Variants in PABPC4L observed in about 807,000 individuals in gnomAD.
The protein encoded by PABPC4L is polyadenylate-binding protein 4-like.
For missense variants in PABPC4L, 452 were observed against 451.4 expected (o/e 1.00, Z -0.01); for synonymous variants, 169 against 164.1 (o/e 1.03, Z -0.23).
chr4:134,152,524 G>A, the PABPC4L span, among the ~76,000 whole-genome samples: 68,821 of 151,864 alleles, frequency 0.45, 18,088 homozygotes, highest in East Asian at 0.98. Context: ...TATATCCTCC[G>A]AAACCTAGGT....
chr4:134,008,608 A>G, the PABPC4L span, among the ~76,000 whole-genome samples: 1 of 151,870 alleles, frequency 6.6e-6, no homozygotes, highest in African/African-American at 2.4e-5. Context: ...ATAATGTAGA[A>G]ATAGATCAAA....
chr4:134,078,281 T>A, the PABPC4L span, among the ~76,000 whole-genome samples: 1 of 152,176 alleles, frequency 6.6e-6, no homozygotes, highest in Non-Finnish European at 1.5e-5. Context: ...ATAAATGGAA[T>A]AATGAGCACC....
At chr4:134,043,379 T>G in the PABPC4L span, among the ~76,000 whole-genome samples, 1 of 152,286 alleles carries the variant, frequency 6.6e-6, no homozygotes, top group African/African-American at 2.4e-5. Context: ...GATGCATCAT[T>G]AGTATCTATA....
At chr4:134,153,191 A>AT in the PABPC4L span, among the ~76,000 whole-genome samples, 8 of 152,118 alleles carry the variant, frequency 5.3e-5, no homozygotes, top group South Asian at 2.1e-4. Flanking sequence ...GCTTGTCTCT[A>AT]TTTTTTTAGT....
the PABPC4L span, among the ~76,000 whole-genome samples, chr4:133,995,753 G>T: frequency 6.6e-6 from 1 of 152,158 alleles, no homozygotes; most frequent in African/African-American, 2.4e-5. Context: ...GTTACGTCTC[G>T]CCCGGCCACT....
At chr4:134,001,823 C>T in the PABPC4L span, among the ~76,000 whole-genome samples, 1 of 151,912 alleles carries the variant, frequency 6.6e-6, no homozygotes, top group African/African-American at 2.4e-5. Context: ...CTATAGTAAC[C>T]AATGTGTGTT....
chr4:134,132,380 A>G, the PABPC4L span, among the ~76,000 whole-genome samples: 1 of 152,102 alleles, frequency 6.6e-6, no homozygotes, highest in East Asian at 1.9e-4. Context: ...AAAACAAACA[A>G]TCTCATCAAA....
the PABPC4L span, among the ~76,000 whole-genome samples, chr4:133,961,176 G>A: frequency 3.9e-5 from 6 of 151,994 alleles, no homozygotes; most frequent in Admixed American, 6.6e-5. Context: ...TCCTGCCATC[G>A]CCACCAGAAC....
chr4:134,151,459 G>C, the PABPC4L span, among the ~76,000 whole-genome samples: 1 of 151,868 alleles, frequency 6.6e-6, no homozygotes, highest in Non-Finnish European at 1.5e-5. Flanking sequence ...AGAATCGAGA[G>C]GTGTGGAAAA....
At chr4:134,021,045 A>C in the PABPC4L span, among the ~76,000 whole-genome samples, 1 of 152,154 alleles carries the variant, frequency 6.6e-6, no homozygotes. Context: ...CAATTATGGC[A>C]GCCCAAGGCT....
At chr4:134,015,690 T>A in the PABPC4L span, among the ~76,000 whole-genome samples, 2 of 152,132 alleles carry the variant, frequency 1.3e-5, no homozygotes, top group Non-Finnish European at 2.9e-5. Flanking sequence ...CAACAACTCC[T>A]TTCCTTCCTA....
chr4:134,030,248 G>C, the PABPC4L span, among the ~76,000 whole-genome samples: 3 of 152,038 alleles, frequency 2.0e-5, no homozygotes, highest in African/African-American at 4.8e-5. Context: ...AACAGGCAGA[G>C]GCTGGAACAG....
the PABPC4L span, among the ~76,000 whole-genome samples, chr4:134,181,495 A>G: frequency 6.6e-6 from 1 of 152,058 alleles, no homozygotes; most frequent in African/African-American, 2.4e-5. Flanking sequence ...CTCCTACTCA[A>G]CATAGTGCTA....
At chr4:134,189,454 A>G in the PABPC4L span, among the ~76,000 whole-genome samples, 13 of 152,116 alleles carry the variant, frequency 8.5e-5, no homozygotes, top group Non-Finnish European at 1.3e-4. Context: ...GTATACATAC[A>G]TATATACATG....
At chr4:134,140,743 G>T in the PABPC4L span, among the ~76,000 whole-genome samples, 3 of 151,800 alleles carry the variant, frequency 2.0e-5, no homozygotes, top group Admixed American at 1.3e-4. Flanking sequence ...TATTTGTAAA[G>T]ATATGTAGGA....
At chr4:134,149,654 T>A in the PABPC4L span, among the ~76,000 whole-genome samples, 108 of 152,244 alleles carry the variant, frequency 7.1e-4, no homozygotes, top group African/African-American at 2.5e-3. Context: ...AGGAAAAGAA[T>A]ACACAATGGA....
the PABPC4L span, among the ~76,000 whole-genome samples, chr4:133,976,238 A>G: frequency 2.6e-5 from 4 of 152,094 alleles, no homozygotes; most frequent in Non-Finnish European, 5.9e-5. Flanking sequence ...TAGTTTCCTG[A>G]GGATAATGGC....
chr4:134,006,848 T>A, the PABPC4L span, among the ~76,000 whole-genome samples: 1 of 151,828 alleles, frequency 6.6e-6, no homozygotes, highest in Non-Finnish European at 1.5e-5. Context: ...ACTTATGTTT[T>A]CCAATCTCAA....
At chr4:134,008,902 A>G in the PABPC4L span, among the ~76,000 whole-genome samples, 1 of 151,834 alleles carries the variant, frequency 6.6e-6, no homozygotes, top group Admixed American at 6.6e-5. Flanking sequence ...AACATAAAAT[A>G]AAAGGTGAGC....
Sources: gnomAD v4.1 joint callset for allele counts (sites outside exome capture counted in the v4.1 genomes callset) on GRCh38, gnomAD v4.1.1 for gene constraint, MANE v1.5 for transcripts, NCBI Gene and HGNC (gene_info 2026-07-23, HGNC 2026-07-21) for gene names.